The following TBL1X variants were observed in gnomAD, a reference collection of about 807,000 sequenced individuals.
TBL1X encodes F-box-like/WD repeat-containing protein TBL1X.
TBL1X carries 10 observed loss-of-function variants against 50.7 expected under a neutral mutation model. The observed-to-expected ratio is 0.20, with a 90% CI of 0.12 to 0.33. The LOEUF is 0.33. TBL1X is among the 10% of genes least tolerant of loss of function. The probability of loss-of-function intolerance (pLI) is 1.00; values close to 1 mark genes in which losing one functional copy is unlikely to be tolerated. For synonymous variants in TBL1X, 190 were observed against 214.7 expected, an observed-to-expected ratio of 0.88 and a Z score of 1.01; for missense variants, 340 against 504.4, an observed-to-expected ratio of 0.67 and a Z score of 3.12.
chrX:9,512,508 T>G (rs2082060886), intron 2 of TBL1X, among the ~76,000 whole-genome samples: 1 of 78,620 alleles, frequency 1.3e-5, no homozygotes, highest in Non-Finnish European at 2.6e-5. Context: ...GTTTTTTTGT[T>G]TTTTGGTTTT....
intron 13 of TBL1X, among the ~76,000 whole-genome samples, chrX:9,707,316 G>A (rs943318998): frequency 8.9e-6 from 1 of 111,781 alleles, no homozygotes; most frequent in East Asian, 2.8e-4. Context: ...CATCTGTTTG[G>A]CTCCAAACTG....
chrX:9,471,242 C>T (rs1035942759), intron 1 of TBL1X, among the ~76,000 whole-genome samples: 3 of 112,450 alleles, frequency 2.7e-5, no homozygotes, highest in African/African-American at 9.7e-5. Context: ...GATCTCATGA[C>T]GTGGCATGTT....
chrX:9,510,249 A>T (rs2082048881), intron 2 of TBL1X, among the ~76,000 whole-genome samples: 1 of 111,542 alleles, frequency 9.0e-6, no homozygotes, highest in Non-Finnish European at 1.9e-5. Context: ...ACAGGTAAGA[A>T]ATCCTGGACC....
intron 5 of TBL1X, among the ~76,000 whole-genome samples, chrX:9,675,834 T>C (rs2146620985): frequency 9.6e-6 from 1 of 103,765 alleles, no homozygotes; most frequent in South Asian, 4.4e-4. Context: ...GAGGTTGCAG[T>C]GAGCCGAGAT....
intron 2 of TBL1X, among the ~76,000 whole-genome samples, chrX:9,568,034 G>A (rs73188203): frequency 0.063 from 7,094 of 111,809 alleles, 176 homozygotes; most frequent in Middle Eastern, 0.097. Context: ...ACGCTGCGTT[G>A]ATTGGCCTGG....
chrX:9,581,892 G>A (rs891898499), intron 2 of TBL1X, among the ~76,000 whole-genome samples: 22 of 111,802 alleles, frequency 2.0e-4, no homozygotes, highest in African/African-American at 3.6e-4. Context: ...TTCTTATTTC[G>A]GTTTTCCTTT....
chrX:9,706,440 T>C (rs1027913379), intron 13 of TBL1X, among the ~76,000 whole-genome samples: 7 of 109,927 alleles, frequency 6.4e-5, no homozygotes, highest in Non-Finnish European at 1.1e-4. Flanking sequence ...TCCAAGAAGC[T>C]CAGCAAATTT....
At chrX:9,533,102 A>G (rs1276592156) in intron 2 of TBL1X, among the ~76,000 whole-genome samples, 1 of 111,961 alleles carries the variant, frequency 8.9e-6, no homozygotes, top group Non-Finnish European at 1.9e-5. Context: ...TGAATTGTAC[A>G]TTTTGAAAGA....
intron 2 of TBL1X, among the ~76,000 whole-genome samples, chrX:9,562,887 C>G (rs752501005): frequency 8.9e-6 from 1 of 112,104 alleles, no homozygotes; most frequent in African/African-American, 3.2e-5. Flanking sequence ...TCCAGTCATT[C>G]GAATGGAACA....
At chrX:9,647,603 G>A (rs2146594059) in intron 3 of TBL1X, among the ~76,000 whole-genome samples, 1 of 112,215 alleles carries the variant, frequency 8.9e-6, no homozygotes, top group Non-Finnish European at 1.9e-5. Flanking sequence ...GGAGAAATTG[G>A]AAAACATCCA....
At chrX:9,592,017 A>T (rs1036722915) in intron 2 of TBL1X, among the ~76,000 whole-genome samples, 2 of 112,511 alleles carry the variant, frequency 1.8e-5, no homozygotes, top group Non-Finnish European at 3.8e-5. Flanking sequence ...TCAGTGTTCC[A>T]TGTGACAAAG....
chrX:9,576,625 A>G (rs1228464473), intron 2 of TBL1X, among the ~76,000 whole-genome samples: 1 of 108,226 alleles, frequency 9.2e-6, no homozygotes, highest in Non-Finnish European at 1.9e-5. Context: ...TTAAAATTAT[A>G]AGCTTATTCA....
intron 1 of TBL1X, among the ~76,000 whole-genome samples, chrX:9,468,425 G>A (rs943974014): frequency 1.8e-5 from 2 of 111,965 alleles, no homozygotes; most frequent in Non-Finnish European, 3.8e-5. Context: ...TAGCAAACAG[G>A]TTGAGCCAGC....
chrX:9,711,247 C>T (rs2083244545), intron 15 of TBL1X, among the ~76,000 whole-genome samples: 1 of 107,474 alleles, frequency 9.3e-6, no homozygotes, highest in South Asian at 4.2e-4. Flanking sequence ...GAGGCTGAGG[C>T]GGGAGGATCA....
chrX:9,466,825 A>G (rs940341973), intron 1 of TBL1X, among the ~76,000 whole-genome samples: 1 of 112,573 alleles, frequency 8.9e-6, no homozygotes, highest in Non-Finnish European at 1.9e-5. Context: ...TCCTGTCTCA[A>G]ATGTGCTGCA....
At chrX:9,466,954 A>C (rs986462032) in intron 1 of TBL1X, among the ~76,000 whole-genome samples, 5 of 111,906 alleles carry the variant, frequency 4.5e-5, no homozygotes, top group Non-Finnish European at 9.4e-5. Flanking sequence ...CCTGTAGGGC[A>C]AATATGGAGA....
chrX:9,657,024 C>T (rs924026654), intron 5 of TBL1X, among the ~76,000 whole-genome samples: 1 of 112,301 alleles, frequency 8.9e-6, no homozygotes, highest in Non-Finnish European at 1.9e-5. Context: ...AAAACAGGTT[C>T]TGCATCTCAG....
rs7887992 is a variant in TBL1X at position 9,575,158 on chromosome X, G to A, written c.-130-65115G>A. Among the ~76,000 whole-genome samples, 919 of 111,523 alleles carry A rather than the reference G, an allele frequency of 8.2e-3. 5 individuals carry two copies. The highest frequency in any genetic ancestry group is 0.029 in the African/African-American group (882 of 30,658). ...TCTTACCACAGCAAGGCAGGAGAGA[G>A]AGTGAGAGGGGAAGCGCCATACTTC... On this transcript the variant is annotated intron_variant, in intron 2 of 17. Transcript: ENST00000645353.
At chrX:9,581,897 T>G (rs1028873833) in intron 2 of TBL1X, among the ~76,000 whole-genome samples, 1 of 112,035 alleles carries the variant, frequency 8.9e-6, no homozygotes, top group African/African-American at 3.2e-5. Context: ...ATTTCGGTTT[T>G]CCTTTAGATT....
Sources: gnomAD v4.1 joint callset for allele counts (sites outside exome capture counted in the v4.1 genomes callset) on GRCh38, gnomAD v4.1.1 for gene constraint, MANE v1.5 for transcripts, NCBI Gene and HGNC (gene_info 2026-07-23, HGNC 2026-07-21) for gene names.